OCA2: variants seen among roughly 807,000 people sequenced by gnomAD.
OCA2 encodes the protein OCA2 melanosomal transmembrane protein, also known as P protein.
OCA2 carries 77 observed loss-of-function variants against 100.2 expected under a neutral mutation model. The ratio of observed to expected loss-of-function variants is 0.77; its 90% CI spans 0.64 to 0.93. The LOEUF (loss-of-function observed/expected upper bound fraction) is 0.93. Ranked by LOEUF, OCA2 falls within the 40% of genes least tolerant of loss-of-function variation. The pLI is 0.00. For missense variants in OCA2, 1,062 were observed against 1,089.1 expected, an observed-to-expected ratio of 0.98 and a Z score of 0.35; for synonymous variants, 432 against 439.2, an observed-to-expected ratio of 0.98 and a Z score of 0.21.
intron 22 of OCA2, among the ~76,000 whole-genome samples, chr15:27,849,497 C>G (rs904441041): frequency 2.0e-5 from 3 of 150,726 alleles, no homozygotes; most frequent in Non-Finnish European, 4.4e-5. Context: ...GTTCTTAGCT[C>G]TTCATGAAAA....
chr15:27,989,460 A>C (rs1360510472), intron 11 of OCA2, 141 bp downstream of exon 11: 6 of 737,088 alleles, frequency 8.1e-6, no homozygotes, highest in Non-Finnish European at 1.5e-5. Context: ...CAGGAGATTC[A>C]TGAGACCTGC....
At chr15:27,850,566 CTT>C (rs2035711144) in intron 22 of OCA2, among the ~76,000 whole-genome samples, 1 of 152,134 alleles carries the variant, frequency 6.6e-6, no homozygotes, top group African/African-American at 2.4e-5. Flanking sequence ...CAGTCACTGA[CTT>C]ACATGAATTA....
At chr15:28,022,409 C>T in intron 6 of OCA2, 92 bp downstream of exon 6, 1 of 898,960 alleles carries the variant, frequency 1.1e-6, no homozygotes, top group Non-Finnish European at 1.9e-6. Context: ...TGTGCCGTGG[C>T]CTTCAGCAGC....
chr15:28,088,719 A>G (rs116263407), intron 1 of OCA2, among the ~76,000 whole-genome samples: 2,668 of 152,306 alleles, frequency 0.018, 70 homozygotes, highest in African/African-American at 0.061. Flanking sequence ...GAGTACATGA[A>G]TAGGGTGTGG....
At position 27,755,454 on chromosome 15, in the gene OCA2, C is replaced by T. The variant is rs1267967087; in HGVS notation, c.2451G>A (p.Met817Ile). 6.2e-7 allele frequency: 1 copy of T among 1,613,836 alleles called. No homozygotes were observed. The highest frequency in any genetic ancestry group is 1.1e-5 in the South Asian group (1 of 91,066). The change falls in exon 24 of 24, where the codon ATG becomes ATA. Residue 817 changes from methionine to isoleucine, a missense_variant. Coordinates refer to ENST00000354638, the MANE Select transcript of OCA2 (RefSeq NM_000275.3). Reference sequence around the variant, plus strand: ...ACATCCCAACAGTGCAGGACACAACCATCATTGGGAAGCCCAGCCTGAAAT... The same window carrying T: ...ACATCCCAACAGTGCAGGACACAACTATCATTGGGAAGCCCAGCCTGAAAT... ...MEFFRLGFPMMVVSCTVGMCY... is the reference protein window; with the variant it reads ...MEFFRLGFPMIVVSCTVGMCY...
chr15:27,944,373 C>G (rs1182433564), intron 18 of OCA2, among the ~76,000 whole-genome samples: 1 of 152,154 alleles, frequency 6.6e-6, no homozygotes, highest in South Asian at 2.1e-4. Flanking sequence ...AGCCCTTCCC[C>G]AAAACTCAAT....
At chr15:27,871,598 T>A (rs1201206065) in intron 20 of OCA2, among the ~76,000 whole-genome samples, 1 of 152,230 alleles carries the variant, frequency 6.6e-6, no homozygotes, top group Non-Finnish European at 1.5e-5. Flanking sequence ...AGCACTCATT[T>A]ACTGAGGCTG....
chr15:27,998,572 G>A (rs2141089667), intron 9 of OCA2, among the ~76,000 whole-genome samples: 1 of 148,250 alleles, frequency 6.7e-6, no homozygotes, highest in East Asian at 2.0e-4. Flanking sequence ...AGGATGTGGA[G>A]AAATAGGAAC....
At chr15:27,939,227 A>G (rs2039563183) in intron 18 of OCA2, among the ~76,000 whole-genome samples, 1 of 152,140 alleles carries the variant, frequency 6.6e-6, no homozygotes, top group Admixed American at 6.5e-5. Flanking sequence ...ACTTACTTTT[A>G]TTTTCACTAT....
At chr15:27,960,943 T>C (rs2040391060) in intron 15 of OCA2, among the ~76,000 whole-genome samples, 1 of 148,490 alleles carries the variant, frequency 6.7e-6, no homozygotes, top group Non-Finnish European at 1.5e-5. Flanking sequence ...AAAGCCAAAA[T>C]TGACAAATGG....
At chr15:27,771,481 G>C (rs891340053) in intron 23 of OCA2, among the ~76,000 whole-genome samples, 2 of 152,048 alleles carry the variant, frequency 1.3e-5, no homozygotes, top group Non-Finnish European at 1.5e-5. Flanking sequence ...GCAGCGCCCA[G>C]CTGGGGGGTG....
At chr15:28,010,094 A>G (rs1487103630) in intron 9 of OCA2, among the ~76,000 whole-genome samples, 1 of 152,204 alleles carries the variant, frequency 6.6e-6, no homozygotes, top group African/African-American at 2.4e-5. Context: ...GCTAATGAAA[A>G]AAAACCATAT....
intron 23 of OCA2, among the ~76,000 whole-genome samples, chr15:27,763,928 G>A (rs1383625112): frequency 6.6e-6 from 1 of 152,150 alleles, no homozygotes; most frequent in East Asian, 1.9e-4. Flanking sequence ...CCCAGGCCAA[G>A]GCCAACACTG....
intron 9 of OCA2, 117 bp downstream of exon 9, chr15:28,014,659 G>T: frequency 1.8e-6 from 2 of 1,099,080 alleles, no homozygotes; most frequent in South Asian, 1.4e-5. Flanking sequence ...TAGGAATGAT[G>T]ACACTAGTCC....
intron 23 of OCA2, among the ~76,000 whole-genome samples, chr15:27,755,741 T>C (rs1037017732): frequency 6.6e-6 from 1 of 152,224 alleles, no homozygotes; most frequent in Non-Finnish European, 1.5e-5. Context: ...CTCTGTTTGT[T>C]CATCTATATT....
chr15:27,977,748 A>T (rs1028955809), intron 14 of OCA2, among the ~76,000 whole-genome samples: 1 of 152,208 alleles, frequency 6.6e-6, no homozygotes, highest in Non-Finnish European at 1.5e-5. Flanking sequence ...AGATGAGGTC[A>T]TGAGGGTGGA....
At chr15:28,013,840 TAA>T (rs1043067618) in intron 9 of OCA2, among the ~76,000 whole-genome samples, 10 of 152,076 alleles carry the variant, frequency 6.6e-5, no homozygotes, top group South Asian at 2.1e-4. Flanking sequence ...AATATTAATT[TAA>T]AAGAAAATGG....
chr15:27,937,640 T>C (rs1255381265), intron 18 of OCA2, among the ~76,000 whole-genome samples: 1 of 152,260 alleles, frequency 6.6e-6, no homozygotes, highest in Non-Finnish European at 1.5e-5. Context: ...TTTTGCATTT[T>C]ACTCATGACT....
chr15:27,753,071 A>T (rs1234022963), downstream of OCA2, among the ~76,000 whole-genome samples: 1 of 152,106 alleles, frequency 6.6e-6, no homozygotes, highest in Non-Finnish European at 1.5e-5. Context: ...TAAAGGTAGC[A>T]TGGGGCCAGT....
Sources: gnomAD v4.1 joint callset for allele counts (sites outside exome capture counted in the v4.1 genomes callset) on GRCh38, gnomAD v4.1.1 for gene constraint, MANE v1.5 for transcripts, NCBI Gene and HGNC (gene_info 2026-07-23, HGNC 2026-07-21) for gene names.